Variants in ALDH1A2 observed in about 807,000 individuals in gnomAD.
ALDH1A2 encodes the protein retinal dehydrogenase 2.
A neutral mutation model predicts 60.3 loss-of-function variants in ALDH1A2; 27 were observed. The observed-to-expected ratio is 0.45, with a 90% CI of 0.33 to 0.62. ALDH1A2 has a LOEUF of 0.62. Among genes scored for constraint, ALDH1A2 ranks in the 20% least tolerant of loss-of-function variants. The pLI is 0.02. For missense variants in ALDH1A2, 581 were observed against 643.8 expected (o/e 0.90, Z 1.06); for synonymous variants, 289 against 232.4 (o/e 1.24, Z -2.21).
chr15:57,962,918 T>TTAAAACCAGAATTCCCTTTAGAAA (rs1893775007), intron 9 of ALDH1A2, among the ~76,000 whole-genome samples: 1 of 152,144 alleles, frequency 6.6e-6, no homozygotes. Context: ...TGTCTACAGA[T>TTAAAACCAGAATTCCCTTTAGAAA]TAAAACCAGA....
chr15:57,966,804 C>A (rs1193204992), intron 7 of ALDH1A2, among the ~76,000 whole-genome samples: 1 of 152,204 alleles, frequency 6.6e-6, no homozygotes, highest in African/African-American at 2.4e-5. Context: ...CCCAGGGCCA[C>A]TCCCCTTCAG....
chr15:58,027,647 C>A lies in ALDH1A2; in HGVS notation c.118-13366G>T, dbSNP rs139876736. Among the ~76,000 whole-genome samples the A allele has an allele frequency of 6.3e-3, 951 of 152,100 alleles. 14 individuals carry two copies. Among genetic ancestry groups the A allele is most frequent in the African/African-American group, 0.022 (908 of 41,510 alleles). On this transcript the variant is annotated intron_variant, in intron 1 of 12. Transcript: ENST00000249750. ...AACCCATCACAAGAAATCTAAAAAC[C>A]TTGAAAAAGGTTAGATGAATGGCTA... is the stretch of plus-strand genomic sequence containing the variant.
rs758800865 is a variant in ALDH1A2 at position 57,962,063 on chromosome 15, C to T, written c.1200G>A (p.Glu400=). 13 of 1,614,012 alleles carry T rather than the reference C, an allele frequency of 8.1e-6. No individual in the cohort carries two copies. Among genetic ancestry groups the T allele is most frequent in the Middle Eastern group, 1.6e-4 (1 of 6,082 alleles). The change falls in exon 10 of 13, where the codon GAG becomes GAA. Residue 400 remains glutamate, a synonymous_variant. Coordinates refer to ENST00000249750, the MANE Select transcript of ALDH1A2 (RefSeq NM_003888.4). ...CAGTGACGTTGGAAAACACTGTGGG[C>T]TCAATGAAAAACCCCTTTCGGCCCA... ...KGLGRKGFFI[E]PTVFSNVTDD...
intron 1 of ALDH1A2, among the ~76,000 whole-genome samples, chr15:58,061,588 C>T (rs1385748987): frequency 9.3e-5 from 7 of 75,234 alleles, no homozygotes; most frequent in African/African-American, 2.8e-4. Flanking sequence ...ATTTAAACTC[C>T]TTCCCTCAAA....
chr15:57,992,352 G>C (rs1894923960), intron 7 of ALDH1A2, among the ~76,000 whole-genome samples: 1 of 152,228 alleles, frequency 6.6e-6, no homozygotes, highest in South Asian at 2.1e-4. Flanking sequence ...CAAACAATGA[G>C]AAGGGAAAGC....
At chr15:58,002,981 T>TA (rs1895324589) in intron 4 of ALDH1A2, among the ~76,000 whole-genome samples, 1 of 151,876 alleles carries the variant, frequency 6.6e-6, no homozygotes, top group African/African-American at 2.4e-5. Flanking sequence ...TGTATGTTAG[T>TA]ATGAAGTGTA....
At position 57,965,241 on chromosome 15, in the gene ALDH1A2, C is replaced by G. The variant is rs181186631; in HGVS notation, c.901+484G>C. Among the ~76,000 whole-genome samples, 304 of 152,268 alleles carry G rather than the reference C, an allele frequency of 2.0e-3. 4 individuals are homozygous for G. The highest frequency in any genetic ancestry group is 0.019 in the Admixed American group (287 of 15,298). On this transcript the variant is annotated intron_variant, in intron 8 of 12. Transcript: ENST00000249750. ...TGACCCACGTGTGCTGTCATCCTAA[C>G]TGAAAGTCATGCGAGCAACAGAAAG...
At chr15:58,021,538 C>T (rs953096698) in intron 1 of ALDH1A2, among the ~76,000 whole-genome samples, 1 of 152,158 alleles carries the variant, frequency 6.6e-6, no homozygotes, top group Non-Finnish European at 1.5e-5. Flanking sequence ...TCCCAAGCCC[C>T]GAAACTAACA....
At chr15:58,044,056 T>C (rs1469321319) in intron 1 of ALDH1A2, among the ~76,000 whole-genome samples, 2 of 152,050 alleles carry the variant, frequency 1.3e-5, no homozygotes, top group Non-Finnish European at 2.9e-5. Context: ...CTCAGTGCTT[T>C]TTCTAAACTT....
intron 1 of ALDH1A2, among the ~76,000 whole-genome samples, chr15:58,034,916 A>G (rs1388464578): frequency 1.3e-5 from 2 of 151,624 alleles, no homozygotes; most frequent in African/African-American, 4.8e-5. Context: ...CATGAGAGGT[A>G]ATAGTTTGTA....
At chr15:57,992,073 T>C (rs1894914666) in intron 7 of ALDH1A2, among the ~76,000 whole-genome samples, 1 of 152,216 alleles carries the variant, frequency 6.6e-6, no homozygotes, top group Non-Finnish European at 1.5e-5. Flanking sequence ...AAGATTAGCA[T>C]TTGTAATCCA....
intron 7 of ALDH1A2, among the ~76,000 whole-genome samples, chr15:57,982,989 T>C (rs1490968550): frequency 6.6e-6 from 1 of 152,114 alleles, no homozygotes; most frequent in Non-Finnish European, 1.5e-5. Flanking sequence ...ATGATTTAGG[T>C]TCTTAGGGAT....
intron 1 of ALDH1A2, among the ~76,000 whole-genome samples, chr15:58,061,624 A>G (rs1897040941): frequency 6.7e-6 from 1 of 150,132 alleles, no homozygotes; most frequent in East Asian, 1.9e-4. Context: ...AAAAAAAAAA[A>G]AACGGAACAA....
intron 4 of ALDH1A2, among the ~76,000 whole-genome samples, chr15:58,000,660 TCATCTTGAATGCTACC>T (rs1286139369): frequency 1.3e-5 from 2 of 151,952 alleles, no homozygotes. Context: ...CTGTATAGAA[TCATCTTGAATGCTACC>T]AGTGCTACAC....
intron 12 of ALDH1A2, among the ~76,000 whole-genome samples, chr15:57,957,551 G>A (rs1483045834): frequency 6.6e-6 from 1 of 152,174 alleles, no homozygotes; most frequent in Non-Finnish European, 1.5e-5. Context: ...CAGGGAAGAA[G>A]CTCACTGATG....
chr15:58,019,928 C>G (rs1373335192), intron 1 of ALDH1A2, among the ~76,000 whole-genome samples: 2 of 152,090 alleles, frequency 1.3e-5, no homozygotes, highest in African/African-American at 2.4e-5. Context: ...ATCACATCAC[C>G]TAGGTTTAAG....
In ALDH1A2 at chr15:57,972,953, T is replaced by C. The variant is rs929596404; in HGVS notation, c.799-7126A>G. 4.6e-5 allele frequency among the ~76,000 whole-genome samples: 7 copies of C among 152,262 alleles called. No individual in the cohort carries two copies. The East Asian group carries it at 9.6e-4, about 21-fold the overall frequency. ...TGATTCATGACTCAAGCAGTAGAGA[T>C]GGTGCTTGTATCATGCAACATGACA... is the stretch of plus-strand genomic sequence containing the variant. On this transcript the variant is annotated intron_variant, in intron 7 of 12. Coordinates refer to ENST00000249750, the MANE Select transcript of ALDH1A2 (RefSeq NM_003888.4).
At chr15:58,014,541 T>C (rs1566949369) in intron 1 of ALDH1A2, 7 of 522,378 alleles carry the variant, frequency 1.3e-5, no homozygotes, top group Non-Finnish European at 2.6e-5. Flanking sequence ...CAAATAAGGA[T>C]AGAGTGTCTC....
In ALDH1A2 at chr15:58,021,996, A is replaced by T. The variant is rs147537148; in HGVS notation, c.118-7715T>A. 6.2e-4 allele frequency among the ~76,000 whole-genome samples: 95 copies of T among 152,244 alleles called. 3 individuals are homozygous for T. In the East Asian group the frequency reaches 0.017, roughly 27 times the overall value. On this transcript the variant is annotated intron_variant, in intron 1 of 12. Coordinates refer to ENST00000249750, the MANE Select transcript of ALDH1A2 (RefSeq NM_003888.4). ...AAAACTGGGGCATGAAAGAGGCACA[A>T]TTCCCCACCTGCCGGTCCAGGCTGT...
Sources: gnomAD v4.1 joint callset for allele counts (sites outside exome capture counted in the v4.1 genomes callset) on GRCh38, gnomAD v4.1.1 for gene constraint, MANE v1.5 for transcripts, NCBI Gene and HGNC (gene_info 2026-07-23, HGNC 2026-07-21) for gene names.